Variants in CLCA2 observed in about 807,000 individuals in gnomAD.
CLCA2 encodes calcium-activated chloride channel regulator 2.
Under a neutral mutation model 82.9 loss-of-function variants are expected in CLCA2, and 85 were observed. The observed-to-expected ratio is 1.03, with a 90% CI of 0.86 to 1.23. The LOEUF (loss-of-function observed/expected upper bound fraction) is 1.23, where lower values mean the gene tolerates loss of function less well. Ranked by LOEUF, CLCA2 falls within the 50% of genes most tolerant of loss-of-function variation. The probability of loss-of-function intolerance (pLI) is 0.00; values close to 1 mark genes in which losing one functional copy is unlikely to be tolerated. For missense variants in CLCA2, 1,089 were observed against 1,124.8 expected, an observed-to-expected ratio of 0.97 and a Z score of 0.45; for synonymous variants, 421 against 391.7, an observed-to-expected ratio of 1.07 and a Z score of -0.88.
chr1:86,440,041 G>A lies in CLCA2; in HGVS notation c.1204-107G>A, dbSNP rs576529580. ...AGGTAAAACTTGAGTGGAGATGGGC[G>A]TGGGGTGTAGGAGCTACAGTGGGAA... is the stretch of plus-strand genomic sequence containing the variant. On this transcript the variant is annotated intron_variant, in intron 7 of 13. Coordinates refer to ENST00000370565, the MANE Select transcript of CLCA2 (RefSeq NM_006536.7). 97 of 1,059,714 alleles carry A rather than the reference G, an allele frequency of 9.2e-5. No homozygotes were observed. In the African/African-American group the frequency reaches 1.1e-3, roughly 12 times the overall value. The allele number at this position is 1,059,714 out of a possible 1,614,324, so 65.6% of individuals were successfully genotyped here. A position where few individuals can be genotyped will look rare whatever the true frequency, so the allele number is the denominator to read the frequency against.
rs112347137 is a variant in CLCA2, at chr1:86,440,244, CT to C, written c.1301del (p.Leu434ProfsTer30). 4 of 1,613,946 alleles carry C rather than the reference CT, an allele frequency of 2.5e-6. No individual in the cohort carries two copies. Among genetic ancestry groups the C allele is most frequent in the African/African-American group, 2.7e-5 (2 of 75,048 alleles). ...KLLGNCLPTVLSSGSTIHSIA... is the reference protein window; with the variant it reads ...KLLGNCLPTVXSSGSTIHSIA... ...TCTTGGCAATTGCTTACCCACTGTGCTCAGCAGTGGTTCAACAATTCACTCC... is the reference window on the plus strand; with the variant it reads ...TCTTGGCAATTGCTTACCCACTGTGCCAGCAGTGGTTCAACAATTCACTCC... On this transcript the variant is annotated frameshift_variant, in exon 8 of 14. Coordinates refer to ENST00000370565, the MANE Select transcript of CLCA2 (RefSeq NM_006536.7). LOFTEE classifies it high-confidence loss of function.
intron 10 of CLCA2, among the ~76,000 whole-genome samples, chr1:86,446,139 G>C (rs1212332642): frequency 6.6e-6 from 1 of 151,412 alleles, no homozygotes; most frequent in Non-Finnish European, 1.5e-5. Flanking sequence ...CAGACCAGCT[G>C]CATTCCTCCT....
At chr1:86,454,382 A>G (rs1663030414) in intron 13 of CLCA2, among the ~76,000 whole-genome samples, 1 of 152,224 alleles carries the variant, frequency 6.6e-6, no homozygotes, top group African/African-American at 2.4e-5. Context: ...TGGTAGGGTT[A>G]GTCCTTCCAC....
chr1:86,445,212 C>G (rs1315172914), intron 10 of CLCA2, among the ~76,000 whole-genome samples: 1 of 151,906 alleles, frequency 6.6e-6, no homozygotes, highest in East Asian at 1.9e-4. Flanking sequence ...CTTGACAGCC[C>G]CTTAACTAGC....
intron 3 of CLCA2, among the ~76,000 whole-genome samples, chr1:86,429,811 G>A (rs1662459185): frequency 1.3e-5 from 2 of 152,160 alleles, no homozygotes; most frequent in African/African-American, 4.8e-5. Context: ...ATAGTTAGCA[G>A]GAAGTGGAGT....
chr1:86,441,589 G>A, intron 9 of CLCA2, 46 bp downstream of exon 9: 15 of 1,297,540 alleles, frequency 1.2e-5, no homozygotes, highest in Non-Finnish European at 1.7e-5. Context: ...GAGTGGGAAG[G>A]GAGAAGGAAA....
At chr1:86,451,337 T>A (rs1158682957) in intron 12 of CLCA2, among the ~76,000 whole-genome samples, 2 of 152,196 alleles carry the variant, frequency 1.3e-5, no homozygotes, top group Admixed American at 1.3e-4. Flanking sequence ...CATGCTACAG[T>A]CTTTGAAAAC....
Position 86,434,574 on chromosome 1 carries a change from C to G in CLCA2, c.801C>G (p.Asn267Lys). The G allele has an allele frequency of 6.2e-7, 1 of 1,614,086 alleles. No homozygotes were observed. The highest frequency in any genetic ancestry group is 8.5e-7 in the Non-Finnish European group (1 of 1,180,006). ...ACCAAGAAGCACCAAACCTACAGAA[C>G]CAGATGTGCAGCCTCAGAAGTGCAT... ...THNQEAPNLQ[N>K]QMCSLRSAWD... Residue 267 changes from asparagine (N) to lysine (K), a missense_variant, in exon 6 of 14, where the codon AAC becomes AAG. Physicochemically the swap from Asn to Lys is moderately conservative, Grantham distance 94 (BLOSUM62 0). Transcript: ENST00000370565.
At chr1:86,454,627 A>G (rs1454945702) in intron 13 of CLCA2, among the ~76,000 whole-genome samples, 1 of 152,144 alleles carries the variant, frequency 6.6e-6, no homozygotes, top group African/African-American at 2.4e-5. Flanking sequence ...CCCCGTCTCT[A>G]CTAAAAATAC....
chr1:86,428,498 G>C lies in CLCA2; in HGVS notation c.405G>C (p.Glu135Asp), dbSNP rs530806417. The change falls in exon 3 of 14, where the codon GAG becomes GAC. Residue 135 changes from glutamate to aspartate, a missense_variant. By Grantham distance (45) the Glu-to-Asp change is conservative. Transcript: ENST00000370565. ...TACAATACAGAGGGTGTGGAAAAGA[G>C]GGAAAATACATTCATTTCACACCTA... ...YTLQYRGCGK[E>D]GKYIHFTPNF... 6 of 1,613,602 alleles carry C rather than the reference G, an allele frequency of 3.7e-6. No homozygotes were observed. Among genetic ancestry groups the C allele is most frequent in the Non-Finnish European group, 5.1e-6 (6 of 1,179,780 alleles).
intron 6 of CLCA2, among the ~76,000 whole-genome samples, chr1:86,434,985 A>C (rs890617164): frequency 1.3e-5 from 2 of 152,164 alleles, no homozygotes; most frequent in African/African-American, 4.8e-5. Context: ...GCTGGAGTGC[A>C]GTGGCACAAT....
chr1:86,452,661 GT>G (rs1662996748), intron 12 of CLCA2, among the ~76,000 whole-genome samples: 1 of 152,186 alleles, frequency 6.6e-6, no homozygotes, highest in East Asian at 1.9e-4. Flanking sequence ...TAGCTGGACA[GT>G]TCCTACTCAA....
Position 86,455,221 on chromosome 1 carries a change from A to G in CLCA2, c.2526A>G (p.Gln842=), listed in dbSNP as rs2390057. The G allele has an allele frequency of 0.34, 545,854 of 1,613,402 alleles. 93,726 individuals are homozygous for G. Among genetic ancestry groups the G allele is most frequent in the South Asian group, 0.41 (37,429 of 91,024 alleles). ...GIREIFTFSP[Q]ISTNGPEHQP... Reference sequence around the variant, plus strand: ...GGGAGATATTTACGTTCTCACCCCAAATTTCCACGAATGGACCTGAACATC... The same window carrying G: ...GGGAGATATTTACGTTCTCACCCCAGATTTCCACGAATGGACCTGAACATC... Residue 842 remains glutamine, a synonymous_variant, in exon 14 of 14, where the codon CAA becomes CAG. Transcript: ENST00000370565.
chr1:86,432,287 T>A (rs12407985), intron 4 of CLCA2, 82 bp from the exon 5 acceptor site: 487,028 of 1,512,656 alleles, frequency 0.32, 80,863 homozygotes, highest in Admixed American at 0.35. Flanking sequence ...ACAATCCTTG[T>A]AATAATTATA....
Position 86,428,581 on chromosome 1 carries a change from A to C in CLCA2, c.475+13A>C, listed in dbSNP as rs1486036632. ...TACGGATCACGAGGTAAGTGGGACC[A>C]ATAAAACAATAGCCATTGGACAATA... On this transcript the variant is annotated intron_variant, in intron 3 of 13. Coordinates refer to ENST00000370565, the MANE Select transcript of CLCA2 (RefSeq NM_006536.7). 2 of 1,610,884 alleles carry C rather than the reference A, an allele frequency of 1.2e-6. No individual in the cohort carries two copies. The highest frequency in any genetic ancestry group is 1.3e-5 in the African/African-American group (1 of 74,926).
chr1:86,435,018 C>T (rs1005042741), intron 6 of CLCA2, among the ~76,000 whole-genome samples: 1 of 152,202 alleles, frequency 6.6e-6, no homozygotes, highest in Non-Finnish European at 1.5e-5. Flanking sequence ...CAGCCTCGAC[C>T]TCTAGGGCTC....
chr1:86,445,444 A>G (rs1224778490), intron 10 of CLCA2: 1 of 147,674 alleles, frequency 6.8e-6, no homozygotes, highest in African/African-American at 2.5e-5. Flanking sequence ...AGATTTTGAC[A>G]CATTGGCACT....
chr1:86,454,984 A>C (rs1256556514), intron 13 of CLCA2, 101 bp from the exon 14 acceptor site: 2 of 620,728 alleles, frequency 3.2e-6, no homozygotes, highest in Admixed American at 7.3e-5. Context: ...TTATTTCTAA[A>C]TATTTTGACT....
rs964250805 is a variant in CLCA2 at position 86,453,593 on chromosome 1, C to T, written c.2380C>T (p.Gln794Ter). 6.2e-7 allele frequency: 1 copy of T among 1,613,666 alleles called. No individual in the cohort carries two copies. The highest frequency in any genetic ancestry group is 8.5e-7 in the Non-Finnish European group (1 of 1,179,796). Reference sequence around the variant, plus strand: ...GACAGCACCTGGAGAAGACTTTGATCAGGGCCAGGGTAGGTTTGCTCATTT... The same window carrying T: ...GACAGCACCTGGAGAAGACTTTGATTAGGGCCAGGGTAGGTTTGCTCATTT... Reference protein sequence around the residue: ...SWTAPGEDFDQGQATSYEIRM... With the variant: ...SWTAPGEDFD Residue 794 changes from glutamine (Q) to a stop codon, truncating the protein, a stop_gained, in exon 13 of 14, where the codon CAG becomes TAG. Coordinates refer to ENST00000370565, the MANE Select transcript of CLCA2 (RefSeq NM_006536.7). LOFTEE classifies it low-confidence loss of function (END_TRUNC).
Sources: allele counts gnomAD v4.1 joint callset (sites outside exome capture counted in the v4.1 genomes callset), GRCh38; gene constraint gnomAD v4.1.1; transcripts MANE v1.5; gene names NCBI Gene and HGNC (gene_info 2026-07-23, HGNC 2026-07-21).